Variants in GTF2F2 observed in about 807,000 individuals in gnomAD.
GTF2F2 encodes general transcription factor IIF subunit 2, also known as ATP-dependent helicase GTF2F2.
In GTF2F2, 23 loss-of-function variants were observed where a neutral mutation model predicts 42.2. The ratio of observed to expected loss-of-function variants is 0.55; its 90% CI spans 0.39 to 0.77. The LOEUF is 0.77. Ranked by LOEUF, GTF2F2 falls within the 30% of genes least tolerant of loss-of-function variation. The probability of loss-of-function intolerance (pLI) is 0.00; values close to 1 mark genes in which losing one functional copy is unlikely to be tolerated. For synonymous variants in GTF2F2, 105 were observed against 100.8 expected, an observed-to-expected ratio of 1.04 and a Z score of -0.25; for missense variants, 261 against 287.2, an observed-to-expected ratio of 0.91 and a Z score of 0.66.
At chr13:45,151,430 G>A (rs971572654) in intron 3 of GTF2F2, among the ~76,000 whole-genome samples, 1 of 151,980 alleles carries the variant, frequency 6.6e-6, no homozygotes, top group African/African-American at 2.4e-5. Flanking sequence ...GCTGTTCATA[G>A]TGAGCTACAG....
At chr13:45,200,793 A>G (rs930802846) in intron 4 of GTF2F2, among the ~76,000 whole-genome samples, 3 of 152,238 alleles carry the variant, frequency 2.0e-5, no homozygotes, top group Non-Finnish European at 4.4e-5. Context: ...ACTACTAGGA[A>G]TATTAAAAAT....
intron 4 of GTF2F2, among the ~76,000 whole-genome samples, chr13:45,173,188 T>A (rs1481129142): frequency 6.6e-6 from 1 of 152,176 alleles, no homozygotes; most frequent in Non-Finnish European, 1.5e-5. Flanking sequence ...TATTTTGAGG[T>A]AATTGTAGAT....
At chr13:45,195,458 G>T (rs1363335266) in intron 4 of GTF2F2, among the ~76,000 whole-genome samples, 2 of 152,132 alleles carry the variant, frequency 1.3e-5, no homozygotes, top group Non-Finnish European at 2.9e-5. Flanking sequence ...TGTATATACC[G>T]TAGGAAGATA....
At chr13:45,269,326 C>T (rs1207083072) in intron 7 of GTF2F2, among the ~76,000 whole-genome samples, 2 of 152,268 alleles carry the variant, frequency 1.3e-5, no homozygotes, top group East Asian at 1.9e-4. Flanking sequence ...AGGCCTCTCA[C>T]GTCATTTATA....
intron 7 of GTF2F2, among the ~76,000 whole-genome samples, chr13:45,270,695 T>C (rs1373230884): frequency 6.6e-6 from 1 of 152,198 alleles, no homozygotes; most frequent in Non-Finnish European, 1.5e-5. Flanking sequence ...ATGGTTTAAC[T>C]TCTGGATTTT....
At chr13:45,159,116 T>C (rs980452074) in intron 4 of GTF2F2, among the ~76,000 whole-genome samples, 1 of 152,224 alleles carries the variant, frequency 6.6e-6, no homozygotes, top group Non-Finnish European at 1.5e-5. Flanking sequence ...CCACTCTACA[T>C]ATTGTCATGA....
chr13:45,166,232 C>A (rs1010089494), intron 4 of GTF2F2, among the ~76,000 whole-genome samples: 1 of 152,122 alleles, frequency 6.6e-6, no homozygotes, highest in Non-Finnish European at 1.5e-5. Context: ...TCACTGGGAA[C>A]TATGTGATGC....
chr13:45,202,022 C>T (rs924774916), intron 4 of GTF2F2, among the ~76,000 whole-genome samples: 1 of 152,150 alleles, frequency 6.6e-6, no homozygotes, highest in Non-Finnish European at 1.5e-5. Context: ...ACTCTTCCTT[C>T]TTACCCCCAC....
chr13:45,124,307 C>T (rs1352019857), intron 1 of GTF2F2, among the ~76,000 whole-genome samples: 2 of 151,342 alleles, frequency 1.3e-5, no homozygotes, highest in Non-Finnish European at 1.5e-5. Flanking sequence ...TGGTCTCGAT[C>T]TCCTGACCTT....
chr13:45,162,842 A>G (rs1473258618), intron 4 of GTF2F2, among the ~76,000 whole-genome samples: 3 of 152,186 alleles, frequency 2.0e-5, no homozygotes, highest in Non-Finnish European at 4.4e-5. Context: ...AGTTTAACCT[A>G]TGCCTAACAG....
At chr13:45,154,706 A>T (rs1347020842) in intron 4 of GTF2F2, among the ~76,000 whole-genome samples, 1 of 152,216 alleles carries the variant, frequency 6.6e-6, no homozygotes, top group Non-Finnish European at 1.5e-5. Context: ...GAATACATTT[A>T]AACACTTAGA....
At chr13:45,238,945 G>GA (rs201402405) in intron 5 of GTF2F2, among the ~76,000 whole-genome samples, 42,558 of 101,114 alleles carry the variant, frequency 0.42, 9,058 homozygotes, top group African/African-American at 0.66. Context: ...ATTCCATCTC[G>GA]AAAAAAAAAA....
intron 5 of GTF2F2, among the ~76,000 whole-genome samples, chr13:45,249,153 G>T (rs1401996795): frequency 6.6e-6 from 1 of 152,162 alleles, no homozygotes; most frequent in East Asian, 1.9e-4. Context: ...GTCACTTCAT[G>T]AGATAGTGTT....
intron 5 of GTF2F2, among the ~76,000 whole-genome samples, chr13:45,219,874 G>T (rs1874039482): frequency 6.6e-6 from 1 of 152,192 alleles, no homozygotes. Flanking sequence ...CCCAAAGGAA[G>T]GAATTAATAA....
intron 1 of GTF2F2, among the ~76,000 whole-genome samples, chr13:45,127,391 A>G (rs1038043827): frequency 2.0e-5 from 3 of 151,906 alleles, no homozygotes; most frequent in African/African-American, 4.8e-5. Flanking sequence ...AGTGCTGTGA[A>G]TTCGGCTCAC....
At chr13:45,159,719 C>A (rs976840244) in intron 4 of GTF2F2, among the ~76,000 whole-genome samples, 2 of 152,216 alleles carry the variant, frequency 1.3e-5, no homozygotes, top group African/African-American at 2.4e-5. Context: ...GGTAATCTGC[C>A]CGCCTCAGCC....
intron 7 of GTF2F2, among the ~76,000 whole-genome samples, chr13:45,270,791 C>CT (rs1876756187): frequency 6.6e-6 from 1 of 152,120 alleles, no homozygotes; most frequent in Non-Finnish European, 1.5e-5. Context: ...TTATTTCTAG[C>CT]TTTTTTCATA....
chr13:45,282,578 C>T (rs1232615954), intron 7 of GTF2F2, among the ~76,000 whole-genome samples: 1 of 152,206 alleles, frequency 6.6e-6, no homozygotes, highest in Non-Finnish European at 1.5e-5. Flanking sequence ...AGTCTCAGCT[C>T]ACTGCAACCT....
chr13:45,194,611 T>C, intron 4 of GTF2F2: 2 of 1,551,334 alleles, frequency 1.3e-6, no homozygotes, highest in African/African-American at 1.4e-5. Flanking sequence ...GGCTTTGAGA[T>C]TTTTTAAAAA....
Sources: gnomAD v4.1 joint callset for allele counts (sites outside exome capture counted in the v4.1 genomes callset) on GRCh38, gnomAD v4.1.1 for gene constraint, MANE v1.5 for transcripts, NCBI Gene and HGNC (gene_info 2026-07-23, HGNC 2026-07-21) for gene names.